Variants in AFAP1 observed in about 807,000 individuals in gnomAD.
AFAP1 encodes the protein actin filament-associated protein 1.
AFAP1 carries 75 observed loss-of-function variants against 93.9 expected under a neutral mutation model. That is an observed-to-expected ratio of 0.80 (90% CI 0.66 to 0.97). AFAP1 has a LOEUF of 0.97. Among genes scored for constraint, AFAP1 ranks in the 50% least tolerant of loss-of-function variants. The pLI, the probability that AFAP1 is intolerant of heterozygous loss-of-function variation, is 0.00. For missense variants in AFAP1, 1,201 were observed against 1,050.8 expected (o/e 1.14, Z -1.98); for synonymous variants, 517 against 430.7 (o/e 1.20, Z -2.48).
At chr4:7,793,409 G>T (rs1718076532) in intron 11 of AFAP1, among the ~76,000 whole-genome samples, 1 of 152,184 alleles carries the variant, frequency 6.6e-6, no homozygotes, top group African/African-American at 2.4e-5. Flanking sequence ...GGAGCTGAGT[G>T]GTTATTAACA....
At chr4:7,885,528 T>C (rs1295867174) in intron 1 of AFAP1, among the ~76,000 whole-genome samples, 1 of 152,212 alleles carries the variant, frequency 6.6e-6, no homozygotes, top group Non-Finnish European at 1.5e-5. Context: ...TCTCCTCCAC[T>C]AGCCAGTAGA....
At chr4:7,886,717 T>C (rs1374255251) in intron 1 of AFAP1, among the ~76,000 whole-genome samples, 1 of 152,178 alleles carries the variant, frequency 6.6e-6, no homozygotes, top group African/African-American at 2.4e-5. Context: ...TAGATCTGGG[T>C]ATGTTTTTTG....
rs879194154 is a variant in AFAP1 at position 7,815,900 on chromosome 4, C to T, written c.904+118G>A. On this transcript the variant is annotated intron_variant, in intron 8 of 17. Coordinates refer to ENST00000420658, the MANE Select transcript of AFAP1 (RefSeq NM_001134647.2). Reference sequence around the variant, plus strand: ...TCCTCTGCCATGATGACGATATCTACACATCTGAATCACCCAGGACATTTT... The same window carrying T: ...TCCTCTGCCATGATGACGATATCTATACATCTGAATCACCCAGGACATTTT... 7.8e-5 allele frequency: 67 copies of T among 855,180 alleles called. No individual in the cohort carries two copies. In the South Asian group the frequency reaches 1.1e-3, roughly 15 times the overall value. 53.0% of individuals were successfully genotyped at this position (855,180 alleles called of 1,614,324 possible). A position where few individuals can be genotyped will look rare whatever the true frequency, so the allele number is the denominator to read the frequency against.
intron 3 of AFAP1, among the ~76,000 whole-genome samples, chr4:7,863,721 G>A (rs1316430967): frequency 6.6e-6 from 1 of 151,966 alleles, no homozygotes; most frequent in Non-Finnish European, 1.5e-5. Flanking sequence ...ATTGAATAAA[G>A]GTATGAAGCA....
At chr4:7,778,358 G>A (rs938017282) in intron 14 of AFAP1, 6 of 277,524 alleles carry the variant, frequency 2.2e-5, no homozygotes, top group African/African-American at 4.5e-5. Flanking sequence ...CACCAACCAC[G>A]GGAGCCACGT....
chr4:7,776,897 G>A (rs1204852420), intron 14 of AFAP1: 1 of 152,020 alleles, frequency 6.6e-6, no homozygotes, highest in African/African-American at 2.4e-5. Flanking sequence ...ACATCTTTTG[G>A]TCCCCATGTA....
intron 8 of AFAP1, among the ~76,000 whole-genome samples, chr4:7,813,825 CAGATTCTT>C (rs990126705): frequency 6.6e-6 from 1 of 152,076 alleles, no homozygotes; most frequent in African/African-American, 2.4e-5. Flanking sequence ...CATAACAGTC[CAGATTCTT>C]TGAGCTCCAA....
intron 1 of AFAP1, among the ~76,000 whole-genome samples, chr4:7,885,005 C>T (rs1178961955): frequency 3.9e-5 from 6 of 152,184 alleles, no homozygotes. Flanking sequence ...TCAATGGTTA[C>T]ACCTTTCTTT....
rs1245611227 is a variant in AFAP1, at chr4:7,759,183, A to G, written c.*4582T>C. 1 of 152,668 alleles carries G rather than the reference A, an allele frequency of 6.6e-6. No homozygotes were observed. The highest frequency in any genetic ancestry group is 2.4e-5 in the African/African-American group (1 of 41,446). 9.5% of individuals were successfully genotyped at this position (152,668 alleles called of 1,614,324 possible). A position where few individuals can be genotyped will look rare whatever the true frequency, so the allele number is the denominator to read the frequency against. ...TGAATATTTCCTTTCTTGTTAGAAA[A>G]TCAAAAAGATTATCTCATTAAAAAC... On this transcript the variant is annotated 3_prime_UTR_variant, in exon 18 of 18. Transcript: ENST00000420658.
intron 3 of AFAP1, among the ~76,000 whole-genome samples, chr4:7,858,612 G>C (rs544483149): frequency 1.3e-5 from 2 of 152,278 alleles, no homozygotes; most frequent in East Asian, 1.9e-4. Flanking sequence ...AGGGAAGGTA[G>C]GTTTCCAATA....
chr4:7,815,406 A>G (rs1474029475), intron 8 of AFAP1, among the ~76,000 whole-genome samples: 2 of 152,238 alleles, frequency 1.3e-5, no homozygotes, highest in African/African-American at 4.8e-5. Context: ...GGTATATTTT[A>G]TATTATGTAT....
At chr4:7,859,757 G>C (rs892928652) in intron 3 of AFAP1, among the ~76,000 whole-genome samples, 8 of 152,088 alleles carry the variant, frequency 5.3e-5, no homozygotes, top group Non-Finnish European at 1.2e-4. Flanking sequence ...ACCTAGGCTC[G>C]TGGGCTTACA....
rs1016946510 is a variant in AFAP1, at chr4:7,760,607, C to T, written c.*3158G>A. On this transcript the variant is annotated 3_prime_UTR_variant, in exon 18 of 18. Coordinates refer to ENST00000420658, the MANE Select transcript of AFAP1 (RefSeq NM_001134647.2). Reference sequence around the variant, plus strand: ...CCATCGCCCATGCCTGTGCCCAGGTCAGGGGGACAAAGGGAGCCCTCGAAT... The same window carrying T: ...CCATCGCCCATGCCTGTGCCCAGGTTAGGGGGACAAAGGGAGCCCTCGAAT... The T allele has an allele frequency of 2.0e-5, 3 of 152,184 alleles. No individual in the cohort carries two copies. The highest frequency in any genetic ancestry group is 4.4e-5 in the Non-Finnish European group (3 of 68,004). The allele number at this position is 152,184 out of a possible 1,614,324, so 9.4% of individuals were successfully genotyped here. A position where few individuals can be genotyped will look rare whatever the true frequency, so the allele number is the denominator to read the frequency against.
chr4:7,816,084 TC>T lies in AFAP1; in HGVS notation c.837del (p.Arg280AspfsTer23). 1 of 1,612,696 alleles carries T rather than the reference TC, an allele frequency of 6.2e-7. No individual in the cohort carries two copies. The highest frequency in any genetic ancestry group is 8.5e-7 in the Non-Finnish European group (1 of 1,179,472). On this transcript the variant is annotated frameshift_variant, in exon 8 of 18. Transcript: ENST00000420658. LOFTEE classifies it high-confidence loss of function. ...ACACCCTCCCCATCTGAGCTGGGTC[TC>T]TCTGAAGACAGTTTCTGTAAGGAGA... ...KAELEKKLSS[E>X]RPSSDGEGVV...
At chr4:7,827,610 A>AGGCAAGAG (rs1161799565) in intron 6 of AFAP1, among the ~76,000 whole-genome samples, 2 of 141,664 alleles carry the variant, frequency 1.4e-5, no homozygotes, top group Non-Finnish European at 3.1e-5. Context: ...GAGAAAAATG[A>AGGCAAGAG]GGCAAGAGAG....
intron 6 of AFAP1, among the ~76,000 whole-genome samples, chr4:7,824,393 T>C (rs907735674): frequency 1.3e-5 from 2 of 150,942 alleles, no homozygotes; most frequent in African/African-American, 4.9e-5. Flanking sequence ...GTTTGACCCC[T>C]ACACAAAGGC....
rs753365485 is a variant in AFAP1 at position 7,768,927 on chromosome 4, C to G, written c.2335G>C (p.Val779Leu). 3.1e-6 allele frequency: 5 copies of G among 1,613,796 alleles called. No homozygotes were observed. Among genetic ancestry groups the G allele is most frequent in the Non-Finnish European group, 4.2e-6 (5 of 1,179,862 alleles). Residue 779 changes from valine to leucine, a missense_variant, in exon 17 of 18, where the codon GTG becomes CTG. Val to Leu is a conservative substitution (Grantham distance 32, BLOSUM62 1). Transcript: ENST00000420658. ...TTCTTCAAGACGGCCGCGCTGTTCACCGGCACGGGGCCCTCGGTGTCACTG... is the reference window on the plus strand; with the variant it reads ...TTCTTCAAGACGGCCGCGCTGTTCAGCGGCACGGGGCCCTCGGTGTCACTG... ...DTSDTEGPVP[V>L]NSAAVLKKSQ...
At chr4:7,816,675 A>G (rs1720508506) in intron 7 of AFAP1, among the ~76,000 whole-genome samples, 1 of 152,190 alleles carries the variant, frequency 6.6e-6, no homozygotes, top group Admixed American at 6.5e-5. Flanking sequence ...CAGTATCTGA[A>G]TGAGGTAGAG....
At position 7,928,490 on chromosome 4, in the gene AFAP1, C is replaced by T. The variant is rs186996316; in HGVS notation, c.-3+11166G>A. On this transcript the variant is annotated intron_variant, in intron 1 of 17. Transcript: ENST00000420658. ...GCAACCTCCGCCTCCCGGGTTCAAG[C>T]GATTCTCCTGCTTCAGCCTCCCAAG... Among the ~76,000 whole-genome samples the T allele has an allele frequency of 5.6e-4, 85 of 152,202 alleles. 2 individuals carry two copies. Among genetic ancestry groups the T allele is most frequent in the Admixed American group, 7.9e-4 (12 of 15,284 alleles).
Sources: allele counts gnomAD v4.1 joint callset (sites outside exome capture counted in the v4.1 genomes callset), GRCh38; gene constraint gnomAD v4.1.1; transcripts MANE v1.5; gene names NCBI Gene and HGNC (gene_info 2026-07-23, HGNC 2026-07-21).